Variants in EHMT1 observed in about 807,000 individuals in gnomAD.
The protein encoded by EHMT1 is euchromatic histone lysine methyltransferase 1.
EHMT1 carries 15 observed loss-of-function variants against 147.2 expected under a neutral mutation model. The observed-to-expected ratio is 0.10, with a 90% CI of 0.07 to 0.16. EHMT1 has a LOEUF of 0.16. Ranked by LOEUF, EHMT1 falls within the 10% of genes least tolerant of loss-of-function variation. The pLI, the probability that EHMT1 is intolerant of heterozygous loss-of-function variation, is 1.00. For missense variants in EHMT1, 1,587 were observed against 1,772.4 expected, an observed-to-expected ratio of 0.90 and a Z score of 1.88; for synonymous variants, 795 against 709.6, an observed-to-expected ratio of 1.12 and a Z score of -1.91.
intron 18 of EHMT1, among the ~76,000 whole-genome samples, chr9:137,810,366 G>A (rs1490840326): frequency 6.6e-6 from 1 of 152,248 alleles, no homozygotes; most frequent in African/African-American, 2.4e-5. Flanking sequence ...CGAAGGGTCA[G>A]GGACAGGTGG....
intron 13 of EHMT1, among the ~76,000 whole-genome samples, chr9:137,779,307 T>C (rs1162398243): frequency 6.6e-6 from 1 of 152,232 alleles, no homozygotes; most frequent in Non-Finnish European, 1.5e-5. Context: ...TGAGCGTAGA[T>C]GAGGTTCCCC....
At chr9:137,756,189 C>T (rs534271334) in intron 8 of EHMT1, among the ~76,000 whole-genome samples, 16 of 152,328 alleles carry the variant, frequency 1.1e-4, no homozygotes, top group African/African-American at 2.6e-4. Context: ...GCTTGCCTGT[C>T]GGTTCATTTT....
chr9:137,704,912 T>C (rs1352948291), intron 1 of EHMT1, among the ~76,000 whole-genome samples: 1 of 150,108 alleles, frequency 6.7e-6, no homozygotes, highest in Non-Finnish European at 1.5e-5. Flanking sequence ...GTTCCTTCCT[T>C]CCTTTTCTTT....
intron 1 of EHMT1, among the ~76,000 whole-genome samples, chr9:137,631,276 C>T (rs1843612532): frequency 6.6e-6 from 1 of 151,986 alleles, no homozygotes; most frequent in African/African-American, 2.4e-5. Flanking sequence ...CCTGTAATCC[C>T]AGCTACTCGG....
chr9:137,643,010 G>C (rs1420938670), intron 1 of EHMT1, among the ~76,000 whole-genome samples: 2 of 152,104 alleles, frequency 1.3e-5, no homozygotes, highest in African/African-American at 2.4e-5. Flanking sequence ...CTCCCGAGTA[G>C]TTGGGACTAT....
chr9:137,680,100 G>A (rs776346525), intron 1 of EHMT1, among the ~76,000 whole-genome samples: 11 of 151,986 alleles, frequency 7.2e-5, no homozygotes, highest in Admixed American at 2.0e-4. Context: ...ATGCCTCTAC[G>A]TTGTATCTGT....
At chr9:137,674,398 A>G (rs1191201959) in intron 1 of EHMT1, among the ~76,000 whole-genome samples, 1 of 152,206 alleles carries the variant, frequency 6.6e-6, no homozygotes, top group Non-Finnish European at 1.5e-5. Context: ...ATCTCTCAGA[A>G]TTCCGTCCCC....
intron 16 of EHMT1, among the ~76,000 whole-genome samples, chr9:137,795,926 CTG>C (rs1371217515): frequency 2.0e-5 from 3 of 152,098 alleles, no homozygotes; most frequent in African/African-American, 7.2e-5. Context: ...TACTGAAAAA[CTG>C]TGCAACTAGA....
At chr9:137,671,645 C>G (rs1285541605) in intron 1 of EHMT1, among the ~76,000 whole-genome samples, 1 of 151,804 alleles carries the variant, frequency 6.6e-6, no homozygotes, top group Non-Finnish European at 1.5e-5. Context: ...CCACCACAGC[C>G]TCTCAGGTAG....
rs1489297597 is a variant in EHMT1 at position 137,725,286 on chromosome 9, GTGTGGCCTTCGTGTGGCAGACA to G, written c.643-3049_643-3028del. On this transcript the variant is annotated intron_variant, in intron 3 of 26. Coordinates refer to ENST00000460843, the MANE Select transcript of EHMT1 (RefSeq NM_024757.5). ...TTCGTGTGGCATTCGTTGGGCAGAC[GTGTGGCCTTCGTGTGGCAGACA>G]TGTGGCCTTCGTGGGGCTTTCAGTG... 1.3e-4 allele frequency among the ~76,000 whole-genome samples: 19 copies of G among 151,610 alleles called. 1 individual carries two copies. The Middle Eastern group carries it at 0.01, about 83-fold the overall frequency.
chr9:137,668,918 G>A (rs938914719), intron 1 of EHMT1, among the ~76,000 whole-genome samples: 10 of 152,212 alleles, frequency 6.6e-5, no homozygotes, highest in African/African-American at 2.4e-4. Flanking sequence ...ACGGAGTCTC[G>A]CTCTGTCCCC....
At chr9:137,717,279 T>C (rs1945424789) in intron 3 of EHMT1, 97 bp downstream of exon 3, 5 of 1,474,112 alleles carry the variant, frequency 3.4e-6, no homozygotes, top group East Asian at 4.8e-5. Flanking sequence ...AGCCAGTAAG[T>C]GTCAGTGGTT....
chr9:137,819,659 G>A (rs987457240), intron 25 of EHMT1, among the ~76,000 whole-genome samples: 2 of 150,604 alleles, frequency 1.3e-5, no homozygotes, highest in African/African-American at 4.9e-5. Flanking sequence ...CTGAGGGGGG[G>A]GGCGCCGTGT....
intron 1 of EHMT1, chr9:137,638,438 T>G (rs1008340124): frequency 6.6e-6 from 1 of 152,182 alleles, no homozygotes; most frequent in African/African-American, 2.4e-5. Context: ...AGAGATGATG[T>G]CTCACCATGT....
Position 137,716,691 on chromosome 9 carries a change from G to A in EHMT1, c.151G>A (p.Asp51Asn). ...KQAGEAHMAA[D>N]GETNGSCENS... ...GGCAGGAGAGGCCCACATGGCTGCGGACGGTGAGACCAATGGGTCTTGTGA... is the reference window on the plus strand; with the variant it reads ...GGCAGGAGAGGCCCACATGGCTGCGAACGGTGAGACCAATGGGTCTTGTGA... The change falls in exon 3 of 27, where the codon GAC (aspartate) becomes AAC (asparagine). Residue 51 changes from aspartate to asparagine, a missense_variant. Transcript: ENST00000460843. 6.2e-7 allele frequency: 1 copy of A among 1,606,652 alleles called. No homozygotes were observed. Among genetic ancestry groups the A allele is most frequent in the East Asian group, 2.2e-5 (1 of 44,726 alleles).
chr9:137,649,730 A>G (rs1345470746), intron 1 of EHMT1, among the ~76,000 whole-genome samples: 1 of 152,118 alleles, frequency 6.6e-6, no homozygotes. Context: ...GATGGCCTAC[A>G]CCACCGGAGC....
chr9:137,825,824 TGTC>T (rs1201578221), intron 25 of EHMT1, among the ~76,000 whole-genome samples: 3 of 152,130 alleles, frequency 2.0e-5, no homozygotes, highest in Admixed American at 6.5e-5. Flanking sequence ...TTCTCATTCT[TGTC>T]GTCTACACCG....
At position 137,800,914 on chromosome 9, in the gene EHMT1, C is replaced by T. The variant is rs797045554; in HGVS notation, c.2642C>T (p.Thr881Ile). 5.6e-6 allele frequency: 9 copies of T among 1,614,122 alleles called. No homozygotes were observed. The highest frequency in any genetic ancestry group is 6.8e-6 in the Non-Finnish European group (8 of 1,180,028). The change falls in exon 18 of 27, where the codon ACA (threonine) becomes ATA (isoleucine). Residue 881 changes from threonine (T) to isoleucine (I), a missense_variant. This residue lies in a region of EHMT1 where 201 missense variants were observed against 350.1 expected (regional missense o/e 0.57). Transcript: ENST00000460843. ...DGGWTPMIWA[T>I]EYKHVDLVKL... ...GGCTGGACACCCATGATCTGGGCCACAGAGTACAAGCACGTGGACCTCGTG... is the reference window on the plus strand; with the variant it reads ...GGCTGGACACCCATGATCTGGGCCATAGAGTACAAGCACGTGGACCTCGTG...
intron 23 of EHMT1, chr9:137,817,155 G>A (rs900061368): frequency 2.0e-6 from 1 of 507,664 alleles, no homozygotes; most frequent in Non-Finnish European, 3.6e-6. Flanking sequence ...AGTGGCCCAG[G>A]CCCAGCTCTG....
Sources: allele counts gnomAD v4.1 joint callset (sites outside exome capture counted in the v4.1 genomes callset), GRCh38; gene constraint gnomAD v4.1.1; regional missense constraint gnomAD v4.1.1; transcripts MANE v1.5; gene names NCBI Gene and HGNC (gene_info 2026-07-23, HGNC 2026-07-21).